Variants in SORT1 observed in about 807,000 individuals in gnomAD.
The protein encoded by SORT1 is sortilin 1.
SORT1 carries 39 observed loss-of-function variants against 101.7 expected under a neutral mutation model. The observed-to-expected ratio is 0.38, with a 90% CI of 0.30 to 0.50. SORT1 has a LOEUF of 0.50. Ranked by LOEUF, SORT1 falls within the 20% of genes least tolerant of loss-of-function variation. SORT1 has a pLI of 0.90. For synonymous variants in SORT1, 396 were observed against 393.7 expected (o/e 1.01, Z -0.07); for missense variants, 878 against 1,040.4 (o/e 0.84, Z 2.15).
At chr1:109,396,757 T>A (rs188231908) in intron 1 of SORT1, among the ~76,000 whole-genome samples, 1 of 152,240 alleles carries the variant, frequency 6.6e-6, no homozygotes, top group East Asian at 1.9e-4. Context: ...AAATACATTA[T>A]GCAAATGTGG....
chr1:109,356,892 C>T (rs529497147), intron 3 of SORT1, among the ~76,000 whole-genome samples: 2 of 152,288 alleles, frequency 1.3e-5, no homozygotes, highest in African/African-American at 2.4e-5. Flanking sequence ...AATGCTAAAT[C>T]TTAATGTTCA....
chr1:109,347,096 A>C (rs1001296036), intron 7 of SORT1, among the ~76,000 whole-genome samples: 1 of 152,254 alleles, frequency 6.6e-6, no homozygotes, highest in Non-Finnish European at 1.5e-5. Flanking sequence ...TTGAATGAGT[A>C]AATGAAAGAT....
Position 109,397,574 on chromosome 1 carries a change from G to A in SORT1, c.306+13C>T. 1.7e-6 allele frequency: 2 copies of A among 1,188,388 alleles called. No individual in the cohort carries two copies. Among genetic ancestry groups the A allele is most frequent in the South Asian group, 2.3e-5 (1 of 44,374 alleles). The allele number at this position is 1,188,388 out of a possible 1,614,324, so 73.6% of individuals were successfully genotyped here. A position where few individuals can be genotyped will look rare whatever the true frequency, so the allele number is the denominator to read the frequency against. ...TCGCACCCGAGCGGCTCCCGGGCCC[G>A]GCGCCCGCTCACCTGGTGCGTGTTG... On this transcript the variant is annotated intron_variant, in intron 1 of 19. Coordinates refer to ENST00000256637, the MANE Select transcript of SORT1 (RefSeq NM_002959.7).
chr1:109,382,692 C>T (rs1002637831), intron 1 of SORT1, among the ~76,000 whole-genome samples: 2 of 152,166 alleles, frequency 1.3e-5, no homozygotes, highest in African/African-American at 2.4e-5. Flanking sequence ...CTACTGCCCT[C>T]GGTAGGGGAG....
At chr1:109,396,443 C>T (rs1653180677) in intron 1 of SORT1, among the ~76,000 whole-genome samples, 1 of 152,190 alleles carries the variant, frequency 6.6e-6, no homozygotes, top group Non-Finnish European at 1.5e-5. Flanking sequence ...TCTACCCAAC[C>T]TGTCTCACCC....
chr1:109,375,541 CAAAA>C (rs57014091), intron 1 of SORT1, among the ~76,000 whole-genome samples: 3 of 71,084 alleles, frequency 4.2e-5, no homozygotes, highest in Non-Finnish European at 7.4e-5. Context: ...GACTCCGTTT[CAAAA>C]AAAAAAAAAA....
chr1:109,346,408 G>A (rs1216555163), intron 7 of SORT1, among the ~76,000 whole-genome samples: 2 of 151,682 alleles, frequency 1.3e-5, no homozygotes, highest in East Asian at 1.9e-4. Flanking sequence ...TCAATGGAAA[G>A]GTAAGAGATT....
intron 1 of SORT1, among the ~76,000 whole-genome samples, chr1:109,373,146 C>T (rs1000299543): frequency 5.9e-5 from 9 of 152,118 alleles, no homozygotes; most frequent in Non-Finnish European, 1.5e-5. Context: ...CAAAGGACGA[C>T]GATTCCTGAA....
chr1:109,324,032 C>T (rs114461909), intron 14 of SORT1, among the ~76,000 whole-genome samples: 2,055 of 152,324 alleles, frequency 0.013, 15 homozygotes, highest in Non-Finnish European at 0.02. Context: ...TCTCAAAGGA[C>T]CAAATTCAAC....
Position 109,367,426 on chromosome 1 carries a change from T to G in SORT1, c.422A>C (p.Gln141Pro). 1 of 1,603,900 alleles carries G rather than the reference T, an allele frequency of 6.2e-7. No homozygotes were observed. The change falls in exon 3 of 20, where the codon CAG (glutamine) becomes CCG (proline). Residue 141 changes from glutamine (Q) to proline (P), a missense_variant. Physicochemically the swap from Gln to Pro is moderately conservative, Grantham distance 76. Transcript: ENST00000256637. ...ATCTCACCTTCGATATAGCTTGGACTGTCCAAAAGTCATAATTACCAGTGG... is the reference window on the plus strand; with the variant it reads ...ATCTCACCTTCGATATAGCTTGGACGGTCCAAAAGTCATAATTACCAGTGG... ...HVPLVIMTFG[Q>P]SKLYRSEDYG...
chr1:109,390,864 T>G (rs2100931744), intron 1 of SORT1, among the ~76,000 whole-genome samples: 1 of 151,804 alleles, frequency 6.6e-6, no homozygotes, highest in South Asian at 2.1e-4. Context: ...ATAAGACGGA[T>G]AGTATTCATA....
intron 19 of SORT1, 85 bp from the exon 20 acceptor site, chr1:109,314,142 C>T (rs1658886955): frequency 7.5e-6 from 12 of 1,606,026 alleles, no homozygotes; most frequent in Non-Finnish European, 1.0e-5. Flanking sequence ...CTTGCCAAAT[C>T]TTATGGTCAT....
chr1:109,364,400 G>A (rs755618074), intron 3 of SORT1, among the ~76,000 whole-genome samples: 2 of 152,166 alleles, frequency 1.3e-5, no homozygotes, highest in Admixed American at 6.5e-5. Flanking sequence ...CCATCAGAGT[G>A]GAGGTTTTCC....
chr1:109,316,955 G>A lies in SORT1; in HGVS notation c.2145C>T (p.Tyr715=), dbSNP rs556737153. ...GGCATTTGTCCCCTGGAATTTTCCG[G>A]TACCTACCAGGCAAAGAAGATTTGG... is the stretch of plus-strand genomic sequence containing the variant. ...GREEHLTTNG[Y]RKIPGDKCQG... Residue 715 remains tyrosine, a synonymous_variant, in exon 17 of 20, where the codon TAC becomes TAT. Coordinates refer to ENST00000256637, the MANE Select transcript of SORT1 (RefSeq NM_002959.7). The A allele has an allele frequency of 6.3e-6, 10 of 1,592,436 alleles. No homozygotes were observed. The East Asian group carries it at 2.0e-4, about 32-fold the overall frequency.
At chr1:109,359,023 G>C (rs560675786) in intron 3 of SORT1, among the ~76,000 whole-genome samples, 2 of 152,174 alleles carry the variant, frequency 1.3e-5, no homozygotes, top group African/African-American at 4.8e-5. Context: ...AATATATTTG[G>C]AATAGAGCTT....
chr1:109,329,364 C>T (rs1648296666), intron 11 of SORT1, among the ~76,000 whole-genome samples: 1 of 152,124 alleles, frequency 6.6e-6, no homozygotes. Flanking sequence ...TGCCATTCTC[C>T]TGCCTCAGCC....
chr1:109,343,140 G>A (rs1305262919), intron 8 of SORT1, among the ~76,000 whole-genome samples: 1 of 152,132 alleles, frequency 6.6e-6, no homozygotes, highest in Admixed American at 6.6e-5. Flanking sequence ...TTGACCCTAG[G>A]TAAGTTACTC....
chr1:109,372,659 C>G (rs1006061858), intron 1 of SORT1, among the ~76,000 whole-genome samples: 3 of 152,102 alleles, frequency 2.0e-5, no homozygotes, highest in South Asian at 4.2e-4. Flanking sequence ...TGGCTCACAC[C>G]TGTAACCCCA....
intron 15 of SORT1, among the ~76,000 whole-genome samples, chr1:109,322,106 G>GTT (rs573038952): frequency 7.6e-5 from 11 of 145,210 alleles, no homozygotes; most frequent in Non-Finnish European, 1.2e-4. Flanking sequence ...CTTTCTTTCT[G>GTT]TTTTTTTTTT....
Sources: allele counts gnomAD v4.1 joint callset (sites outside exome capture counted in the v4.1 genomes callset), GRCh38; gene constraint gnomAD v4.1.1; transcripts MANE v1.5; gene names NCBI Gene and HGNC (gene_info 2026-07-23, HGNC 2026-07-21).